CTNNA2: variants seen among roughly 807,000 people sequenced by gnomAD.
CTNNA2 encodes the protein catenin alpha-2.
A neutral mutation model predicts 101.0 loss-of-function variants in CTNNA2; 42 were observed. The ratio of observed to expected loss-of-function variants is 0.42; its 90% confidence interval spans 0.32 to 0.54. The LOEUF (loss-of-function observed/expected upper bound fraction) is 0.54, where lower values mean the gene tolerates loss of function less well. CTNNA2 is among the 20% of genes least tolerant of loss of function. The probability of loss-of-function intolerance (pLI) is 0.14; values close to 1 mark genes in which losing one functional copy is unlikely to be tolerated. For missense variants in CTNNA2, 871 were observed against 1,223.1 expected (o/e 0.71, Z 4.29); for synonymous variants, 450 against 456.4 (o/e 0.99, Z 0.18).
intron 4 of CTNNA2, among the ~76,000 whole-genome samples, chr2:79,393,988 A>ACAGGG (rs1678202307): frequency 6.6e-6 from 1 of 151,998 alleles, no homozygotes; most frequent in South Asian, 2.1e-4. Flanking sequence ...TCAATTGCTG[A>ACAGGG]CAGGAATCCC....
chr2:79,853,137 G>T (rs939011977), intron 3 of CTNNA2, among the ~76,000 whole-genome samples: 6 of 152,088 alleles, frequency 3.9e-5, no homozygotes, highest in Non-Finnish European at 5.9e-5. Context: ...CAAAGTGCTG[G>T]GATTACAGGT....
intron 4 of CTNNA2, among the ~76,000 whole-genome samples, chr2:79,484,306 A>G (rs968486969): frequency 6.6e-6 from 1 of 152,134 alleles, no homozygotes; most frequent in Non-Finnish European, 1.5e-5. Flanking sequence ...TGACTTGTTT[A>G]GAACGAGTGG....
At chr2:79,449,910 C>A (rs761171111) in intron 4 of CTNNA2, among the ~76,000 whole-genome samples, 132 of 151,984 alleles carry the variant, frequency 8.7e-4, no homozygotes, top group Non-Finnish European at 1.6e-3. Context: ...AAGGATAGTT[C>A]TTAGAATTAG....
intron 4 of CTNNA2, among the ~76,000 whole-genome samples, chr2:79,427,119 A>C (rs2104506989): frequency 6.6e-6 from 1 of 152,096 alleles, no homozygotes; most frequent in East Asian, 1.9e-4. Flanking sequence ...AATTCTGAGG[A>C]CAGGTTGCAA....
At chr2:80,607,101 CTTTACAGTAT>C (rs1698094766) in intron 16 of CTNNA2, among the ~76,000 whole-genome samples, 1 of 151,850 alleles carries the variant, frequency 6.6e-6, no homozygotes, top group Non-Finnish European at 1.5e-5. Flanking sequence ...TAATCACTGG[CTTTACAGTAT>C]TGATAAAAGA....
intron 3 of CTNNA2, among the ~76,000 whole-genome samples, chr2:79,839,843 T>G (rs1184782319): frequency 6.6e-6 from 1 of 152,154 alleles, no homozygotes; most frequent in Non-Finnish European, 1.5e-5. Flanking sequence ...TATCCTATAC[T>G]TATATTATCT....
In CTNNA2 at chr2:80,306,375, C is replaced by CTTTCTTTTCT. The variant is rs1221909340; in HGVS notation, c.1057-86813_1057-86804dup. On this transcript the variant is annotated intron_variant, in intron 7 of 18. Transcript: ENST00000402739. ...GGCACAGATGGTTTTTTCTTTCTTT[C>CTTTCTTTTCT]TTTCTTTTCTTTTCTTTTCTTTTCT... Among the ~76,000 whole-genome samples the CTTTCTTTTCT allele has an allele frequency of 1.8e-3, 247 of 139,552 alleles. 4 individuals are homozygous for CTTTCTTTTCT. The highest frequency in any genetic ancestry group is 5.2e-3 in the African/African-American group (177 of 33,806). The allele number at this position is 139,552 out of a possible 152,430, so 91.6% of individuals were successfully genotyped here.
At chr2:80,117,786 A>C (rs966483627) in intron 7 of CTNNA2, among the ~76,000 whole-genome samples, 4 of 152,166 alleles carry the variant, frequency 2.6e-5, no homozygotes, top group African/African-American at 9.7e-5. Flanking sequence ...AAAATGTTCA[A>C]ATAAGACCTC....
At chr2:80,111,889 T>C (rs910783740) in intron 7 of CTNNA2, among the ~76,000 whole-genome samples, 10 of 152,328 alleles carry the variant, frequency 6.6e-5, no homozygotes, top group African/African-American at 2.2e-4. Flanking sequence ...CTTATCACTA[T>C]ATGGCTAATA....
chr2:80,644,803 C>T (rs1251947274), intron 18 of CTNNA2, among the ~76,000 whole-genome samples: 1 of 152,110 alleles, frequency 6.6e-6, no homozygotes. Context: ...TAGCAGGTGG[C>T]TTGAATAAAA....
At chr2:79,281,131 A>T (rs796854118) in intron 2 of CTNNA2, among the ~76,000 whole-genome samples, 12 of 152,200 alleles carry the variant, frequency 7.9e-5, no homozygotes, top group African/African-American at 2.9e-4. Flanking sequence ...GGAAACAGGA[A>T]CTAAACCAAG....
chr2:80,173,598 A>G (rs113537414), intron 7 of CTNNA2, among the ~76,000 whole-genome samples: 62 of 152,266 alleles, frequency 4.1e-4, no homozygotes, highest in African/African-American at 1.3e-3. Context: ...TTCACTGGAG[A>G]AGGTATAGTT....
At chr2:80,149,023 ATT>A (rs34431691) in intron 7 of CTNNA2, among the ~76,000 whole-genome samples, 16,818 of 124,502 alleles carry the variant, frequency 0.14, 1,141 homozygotes, top group South Asian at 0.29. Context: ...TTATTTTGTT[ATT>A]TTTTTTTTTT....
intron 9 of CTNNA2, among the ~76,000 whole-genome samples, chr2:80,485,000 C>A (rs919344102): frequency 6.6e-6 from 1 of 151,820 alleles, no homozygotes; most frequent in Admixed American, 6.6e-5. Flanking sequence ...AGCGAGACTC[C>A]GTCTTAAATA....
intron 7 of CTNNA2, among the ~76,000 whole-genome samples, chr2:80,330,524 T>G (rs974559401): frequency 6.6e-6 from 1 of 152,102 alleles, no homozygotes; most frequent in Non-Finnish European, 1.5e-5. Context: ...CAATTGAAAT[T>G]AATTTAAAAT....
At chr2:80,476,643 C>T (rs533441842) in intron 9 of CTNNA2, among the ~76,000 whole-genome samples, 7 of 152,246 alleles carry the variant, frequency 4.6e-5, no homozygotes, top group South Asian at 4.1e-4. Flanking sequence ...GAAACTCAGA[C>T]GACAACCAGG....
In CTNNA2 at chr2:80,308,002, G is replaced by A. The variant is rs559694786; in HGVS notation, c.1057-85209G>A. On this transcript the variant is annotated intron_variant, in intron 7 of 18. Transcript: ENST00000402739. ...AGAGAGAAGCTCATGGAGCAAATTCGTTGTAGTTAGAGAGGCCAGAAGTAT... is the reference window on the plus strand; with the variant it reads ...AGAGAGAAGCTCATGGAGCAAATTCATTGTAGTTAGAGAGGCCAGAAGTAT... 1.4e-3 allele frequency among the ~76,000 whole-genome samples: 206 copies of A among 152,328 alleles called. 1 individual carries two copies. The highest frequency in any genetic ancestry group is 4.4e-3 in the African/African-American group (184 of 41,570).
chr2:79,408,689 C>G (rs1490991511), intron 4 of CTNNA2, among the ~76,000 whole-genome samples: 2 of 151,972 alleles, frequency 1.3e-5, no homozygotes, highest in African/African-American at 4.8e-5. Flanking sequence ...TTTCTTAATC[C>G]AGTCTATCAC....
chr2:79,635,955 C>A (rs931358831), intron 1 of CTNNA2, among the ~76,000 whole-genome samples: 1 of 151,424 alleles, frequency 6.6e-6, no homozygotes, highest in Non-Finnish European at 1.5e-5. Flanking sequence ...GGAAGGAGCG[C>A]TGAACTAAAG....
Sources: gnomAD v4.1 joint callset for allele counts (sites outside exome capture counted in the v4.1 genomes callset) on GRCh38, gnomAD v4.1.1 for gene constraint, MANE v1.5 for transcripts, NCBI Gene and HGNC (gene_info 2026-07-23, HGNC 2026-07-21) for gene names.